GIMAP7: variants seen among roughly 807,000 people sequenced by gnomAD.
The protein encoded by GIMAP7 is GTPase, IMAP family member 7, also known as GTPase IMAP family member 7.
For missense variants in GIMAP7, 323 were observed against 359.7 expected (o/e 0.90, Z 0.83); for synonymous variants, 137 against 129.3 (o/e 1.06, Z -0.40).
In GIMAP7 at chr7:150,519,919, CTT is replaced by C; in HGVS notation, c.-41-14_-41-13del. ...CTAAAACTGGCTTTTTTTCCCCTAT[CTT>C]CCCCTCCTTAAGGTCTTGTACGTGC... On this transcript the variant is annotated splice_polypyrimidine_tract_variant and intron_variant, in intron 1 of 1. Transcript: ENST00000313543. The C allele has an allele frequency of 6.6e-7, 1 of 1,522,106 alleles. No individual in the cohort carries two copies. Among genetic ancestry groups the C allele is most frequent in the South Asian group, 1.2e-5 (1 of 80,458 alleles). The allele number at this position is 1,522,106 out of a possible 1,614,324, so 94.3% of individuals were successfully genotyped here. A position where few individuals can be genotyped will look rare whatever the true frequency, so the allele number is the denominator to read the frequency against.
intron 1 of GIMAP7, 44 bp from the exon 2 acceptor site, chr7:150,519,890 C>CT: frequency 4.9e-6 from 6 of 1,223,172 alleles, no homozygotes; most frequent in Non-Finnish European, 6.9e-6. Flanking sequence ...ATGGATCTCA[C>CT]TTACTAAAAC....
chr7:150,518,068 G>C (rs943979503), intron 1 of GIMAP7, among the ~76,000 whole-genome samples: 5 of 151,784 alleles, frequency 3.3e-5, no homozygotes, highest in African/African-American at 1.2e-4. Context: ...CTGGTATATA[G>C]ATATATTTCT....
chr7:150,519,868 A>G, intron 1 of GIMAP7, 66 bp from the exon 2 acceptor site: 1 of 904,564 alleles, frequency 1.1e-6, no homozygotes, highest in South Asian at 1.7e-5. Flanking sequence ...AAAGCAGAAA[A>G]GAAGGTTGGG....
At chr7:150,515,418 C>A (rs1795125097) in intron 1 of GIMAP7, among the ~76,000 whole-genome samples, 1 of 152,190 alleles carries the variant, frequency 6.6e-6, no homozygotes, top group Non-Finnish European at 1.5e-5. Context: ...CTTTTTCCAG[C>A]ATTAAGCAGA....
intron 1 of GIMAP7, among the ~76,000 whole-genome samples, chr7:150,516,180 G>A (rs1345225131): frequency 2.6e-5 from 4 of 152,116 alleles, no homozygotes; most frequent in Non-Finnish European, 4.4e-5. Flanking sequence ...AAGAATAAAC[G>A]AGATATACAA....
Position 150,516,436 on chromosome 7 carries a change from T to A in GIMAP7, c.-42+1491T>A, listed in dbSNP as rs188347548. Among the ~76,000 whole-genome samples, 5 of 152,302 alleles carry A rather than the reference T, an allele frequency of 3.3e-5. No homozygotes were observed. In the East Asian group the frequency reaches 9.6e-4, roughly 29 times the overall value. On this transcript the variant is annotated intron_variant, in intron 1 of 1. Transcript: ENST00000313543. ...GAAGCAAATGTCAGACATTACATCA[T>A]TTTATCAGTAAATATTTGAGTATGT...
chr7:150,515,740 A>AAACTTGAGAAAGTTTAC (rs1295552059), intron 1 of GIMAP7, among the ~76,000 whole-genome samples: 1 of 152,144 alleles, frequency 6.6e-6, no homozygotes, highest in African/African-American at 2.4e-5. Flanking sequence ...GAAAGTTTTA[A>AAACTTGAGAAAGTTTAC]AACTTGAGAA....
chr7:150,518,553 T>C (rs998522076), intron 1 of GIMAP7, among the ~76,000 whole-genome samples: 1 of 152,154 alleles, frequency 6.6e-6, no homozygotes, highest in Non-Finnish European at 1.5e-5. Flanking sequence ...GTCATTGGTC[T>C]TTTGTTTCTT....
At position 150,520,314 on chromosome 7, in the gene GIMAP7, T is replaced by C. The variant is rs1403841933; in HGVS notation, c.340T>C (p.Leu114=). ...AGAGGAGGAGCAGAAAACCGTTGCA[T>C]TGATCAAGGCTGTCTTTGGGAAGTC... ...YTEEEQKTVA[L]IKAVFGKSAM... Residue 114 remains leucine (L), a synonymous_variant, in exon 2 of 2, where the codon TTG becomes CTG. Transcript: ENST00000313543. 6.2e-7 allele frequency: 1 copy of C among 1,614,160 alleles called. No individual in the cohort carries two copies. The highest frequency in any genetic ancestry group is 1.1e-5 in the South Asian group (1 of 91,084).
rs1014043745 is a variant in GIMAP7, at chr7:150,521,004, T to C, written c.*127T>C. 1 of 290,976 alleles carries C rather than the reference T, an allele frequency of 3.4e-6. No homozygotes were observed. 18.0% of individuals were successfully genotyped at this position (290,976 alleles called of 1,614,324 possible). A position where few individuals can be genotyped will look rare whatever the true frequency, so the allele number is the denominator to read the frequency against. On this transcript the variant is annotated 3_prime_UTR_variant, in exon 2 of 2. Coordinates refer to ENST00000313543, the MANE Select transcript of GIMAP7 (RefSeq NM_153236.4). ...TAAAATATGTTTAATGTATATAATG[T>C]GATTTTTAAATATATATATATATAT... is the stretch of plus-strand genomic sequence containing the variant.
intron 1 of GIMAP7, among the ~76,000 whole-genome samples, chr7:150,519,242 A>T (rs1488727351): frequency 3.9e-5 from 6 of 152,190 alleles, no homozygotes; most frequent in Non-Finnish European, 5.9e-5. Flanking sequence ...TTAGTTCCAG[A>T]AAAAAAGATG....
At chr7:150,518,234 C>T (rs139901256) in intron 1 of GIMAP7, among the ~76,000 whole-genome samples, 2 of 152,174 alleles carry the variant, frequency 1.3e-5, no homozygotes, top group East Asian at 3.9e-4. Context: ...AGAGTAAATG[C>T]ATGTGTAATT....
At chr7:150,515,833 G>A (rs939170941) in intron 1 of GIMAP7, among the ~76,000 whole-genome samples, 3 of 152,106 alleles carry the variant, frequency 2.0e-5, no homozygotes, top group Admixed American at 6.5e-5. Context: ...CGAGAAATGC[G>A]GAGCCCTCCT....
intron 1 of GIMAP7, among the ~76,000 whole-genome samples, chr7:150,518,417 T>C (rs913115834): frequency 1.3e-5 from 2 of 152,134 alleles, no homozygotes; most frequent in African/African-American, 4.8e-5. Flanking sequence ...ATTTTTTATT[T>C]TTTCTATGTT....
rs372010180 is a variant in GIMAP7, at chr7:150,520,039, G to A, written c.65G>A (p.Ser22Asn). ...VLVGKTGSGKSATANTILGEE... is the reference protein window; with the variant it reads ...VLVGKTGSGKNATANTILGEE... ...GTAGGGAAAACTGGAAGTGGGAAAA[G>A]TGCAACAGCGAACACCATCCTTGGA... is the stretch of plus-strand genomic sequence containing the variant. The change falls in exon 2 of 2, where the codon AGT becomes AAT. Residue 22 changes from serine (S) to asparagine (N), a missense_variant. Ser to Asn is a conservative substitution (Grantham distance 46). Transcript: ENST00000313543. 22 of 1,614,046 alleles carry A rather than the reference G, an allele frequency of 1.4e-5. No individual in the cohort carries two copies. Among genetic ancestry groups the A allele is most frequent in the Admixed American group, 1.7e-5 (1 of 59,998 alleles).
At position 150,514,887 on chromosome 7, in the gene GIMAP7, G is replaced by GCAA. The variant is rs1481012223; in HGVS notation, c.-97_-95dup. The GCAA allele has an allele frequency of 6.6e-6, 1 of 152,298 alleles. No individual in the cohort carries two copies. The highest frequency in any genetic ancestry group is 1.5e-5 in the Non-Finnish European group (1 of 68,080). 9.4% of individuals were successfully genotyped at this position (152,298 alleles called of 1,614,324 possible). A position where few individuals can be genotyped will look rare whatever the true frequency, so the allele number is the denominator to read the frequency against. ...CTTTTAACTCACAGTAAAAGCAAAA[G>GCAA]CAACAGCTCAAGCAGCCTCCTTGGA... On this transcript the variant is annotated 5_prime_UTR_variant, in exon 1 of 2. Coordinates refer to ENST00000313543, the MANE Select transcript of GIMAP7 (RefSeq NM_153236.4).
At position 150,519,967 on chromosome 7, in the gene GIMAP7, A is replaced by G; in HGVS notation, c.-8A>G. The G allele has an allele frequency of 6.2e-7, 1 of 1,612,810 alleles. No individual in the cohort carries two copies. The highest frequency in any genetic ancestry group is 8.5e-7 in the Non-Finnish European group (1 of 1,179,024). ...CGTGCCTAAGTTCTAGAGCCTCCTG[A>G]CGTGAGCATGGCTGAGAGTGAGGAC... On this transcript the variant is annotated 5_prime_UTR_variant, in exon 2 of 2. Transcript: ENST00000313543.
intron 1 of GIMAP7, among the ~76,000 whole-genome samples, chr7:150,515,765 A>G (rs1795131198): frequency 2.3e-5 from 1 of 43,832 alleles, no homozygotes; most frequent in Non-Finnish European, 4.3e-5. Context: ...TTAAAGTGAT[A>G]TTTCTGACCA....
Position 150,520,050 on chromosome 7 carries a change from A to C in GIMAP7, c.76A>C (p.Asn26His), listed in dbSNP as rs1441397966. 1 of 1,614,166 alleles carries C rather than the reference A, an allele frequency of 6.2e-7. No homozygotes were observed. The highest frequency in any genetic ancestry group is 2.2e-5 in the East Asian group (1 of 44,882). ...TGGAAGTGGGAAAAGTGCAACAGCG[A>C]ACACCATCCTTGGAGAGGAAATCTT... ...KTGSGKSATA[N>H]TILGEEIFDS... The change falls in exon 2 of 2, where the codon AAC (asparagine) becomes CAC (histidine). Residue 26 changes from asparagine (N) to histidine (H), a missense_variant. Physicochemically the swap from Asn to His is moderately conservative, Grantham distance 68. Transcript: ENST00000313543.
Sources: gnomAD v4.1 joint callset for allele counts (sites outside exome capture counted in the v4.1 genomes callset) on GRCh38, gnomAD v4.1.1 for gene constraint, MANE v1.5 for transcripts, NCBI Gene and HGNC (gene_info 2026-07-23, HGNC 2026-07-21) for gene names.